Variants in PRDM16 observed in about 807,000 individuals in gnomAD.
PRDM16 encodes the protein PR/SET domain 16.
PRDM16 carries 23 observed loss-of-function variants against 110.6 expected under a neutral mutation model. The observed-to-expected ratio is 0.21, with a 90% CI of 0.15 to 0.29. The LOEUF is 0.29. Ranked by LOEUF, PRDM16 falls within the 10% of genes least tolerant of loss-of-function variation. The probability of loss-of-function intolerance (pLI) is 1.00; values close to 1 mark genes in which losing one functional copy is unlikely to be tolerated. For synonymous variants in PRDM16, 799 were observed against 781.8 expected (o/e 1.02, Z -0.37); for missense variants, 1,615 against 1,794.3 (o/e 0.90, Z 1.81).
Position 3,244,921 on chromosome 1 carries a change from C to T in PRDM16, c.438+784C>T, listed in dbSNP as rs764807963. 3.8e-4 allele frequency among the ~76,000 whole-genome samples: 58 copies of T among 152,200 alleles called. No homozygotes were observed. The highest frequency in any genetic ancestry group is 1.0e-4 in the Non-Finnish European group (7 of 68,046). ...CGTCCACAGACACAGCACGCTCACA[C>T]GTGGTGGCTGATCTCCTATTTTTTG... On this transcript the variant is annotated intron_variant, in intron 3 of 16. Transcript: ENST00000270722. The surrounding 1 kb of genome is among the most constrained non-coding windows in gnomAD (Gnocchi z 4.1).
chr1:3,417,431 A>G (rs1380928503), intron 10 of PRDM16, among the ~76,000 whole-genome samples: 1 of 152,202 alleles, frequency 6.6e-6, no homozygotes, highest in Non-Finnish European at 1.5e-5. Flanking sequence ...AACCCAAACT[A>G]GCCAACCAGA....
In PRDM16 at chr1:3,412,731, C is replaced by G; in HGVS notation, c.2534C>G (p.Ala845Gly). 6.6e-7 allele frequency: 1 copy of G among 1,506,528 alleles called. No homozygotes were observed. Among genetic ancestry groups the G allele is most frequent in the Non-Finnish European group, 8.9e-7 (1 of 1,127,576 alleles). The allele number at this position is 1,506,528 out of a possible 1,614,324, so 93.3% of individuals were successfully genotyped here. Residue 845 changes from alanine (A) to glycine (G), a missense_variant, in exon 9 of 17, where the codon GCG (alanine) becomes GGG (glycine). Coordinates refer to ENST00000270722, the MANE Select transcript of PRDM16 (RefSeq NM_022114.4). ...AGEGLPQVCP[A>G]RMPQQPPLHY... The stretch of plus-strand genomic sequence containing the variant: ...GAGGGGCTGCCCCAGGTGTGCCCGG[C>G]GCGGATGCCCCAGCAGCCCCCGCTC...
chr1:3,098,730 G>A (rs1642464922), intron 1 of PRDM16, among the ~76,000 whole-genome samples: 1 of 152,228 alleles, frequency 6.6e-6, no homozygotes, highest in Admixed American at 6.5e-5. Context: ...GAACAAGGGG[G>A]TTTTCAGTCT....
At chr1:3,298,363 C>T (rs911164165) in intron 3 of PRDM16, among the ~76,000 whole-genome samples, 9 of 152,228 alleles carry the variant, frequency 5.9e-5, no homozygotes, top group African/African-American at 2.2e-4. Context: ...GCTCGAGCAG[C>T]CTCGCTGTCG....
chr1:3,337,198 TGTGA>T (rs1001753033), intron 3 of PRDM16, among the ~76,000 whole-genome samples: 2 of 151,830 alleles, frequency 1.3e-5, no homozygotes, highest in African/African-American at 4.8e-5. Context: ...TGTGTGTTGG[TGTGA>T]GTCTCTGTGT....
Position 3,139,119 on chromosome 1 carries a change from C to T in PRDM16, c.38-47006C>T, listed in dbSNP as rs181711542. Among the ~76,000 whole-genome samples, 242 of 152,224 alleles carry T rather than the reference C, an allele frequency of 1.6e-3. 1 individual carries two copies. Among genetic ancestry groups the T allele is most frequent in the Middle Eastern group, 0.01 (3 of 294 alleles). ...ACTTACGCTTGTTGATCAATCTAAACGCAGACACACGTGGACGAGTTTTCA... is the reference window on the plus strand; with the variant it reads ...ACTTACGCTTGTTGATCAATCTAAATGCAGACACACGTGGACGAGTTTTCA... On this transcript the variant is annotated intron_variant, in intron 1 of 16. Coordinates refer to ENST00000270722, the MANE Select transcript of PRDM16 (RefSeq NM_022114.4).
Position 3,265,559 on chromosome 1 carries a change from A to T in PRDM16, c.438+21422A>T, listed in dbSNP as rs1374785204. 1.3e-5 allele frequency among the ~76,000 whole-genome samples: 2 copies of T among 152,052 alleles called. No individual in the cohort carries two copies. Among genetic ancestry groups the T allele is most frequent in the Non-Finnish European group, 2.9e-5 (2 of 67,978 alleles). On this transcript the variant is annotated intron_variant, in intron 3 of 16. Transcript: ENST00000270722. The surrounding 1 kb of genome is among the most constrained non-coding windows in gnomAD (Gnocchi z 4.5). Reference sequence around the variant, plus strand: ...GACTCAAGGGACCCATCCGAGGTTCATGGGAAGAGGAGAAGGGGTCGTCCT... The same window carrying T: ...GACTCAAGGGACCCATCCGAGGTTCTTGGGAAGAGGAGAAGGGGTCGTCCT...
chr1:3,242,888 C>T (rs751348829), intron 2 of PRDM16, among the ~76,000 whole-genome samples: 16 of 152,188 alleles, frequency 1.1e-4, no homozygotes, highest in South Asian at 2.1e-4. Context: ...TTGCGGTTTC[C>T]GTATACTCGA....
chr1:3,133,130 C>A (rs1420228867), intron 1 of PRDM16: 1 of 152,266 alleles, frequency 6.6e-6, no homozygotes, highest in Admixed American at 6.5e-5. Context: ...AGGACAAAGC[C>A]CGAAGGACGG....
At chr1:3,109,423 G>T (rs184169238) in intron 1 of PRDM16, among the ~76,000 whole-genome samples, 1,527 of 152,228 alleles carry the variant, frequency 0.01, 17 homozygotes, top group African/African-American at 0.034. Context: ...TGCAGGCTGA[G>T]GCTCTCTCTC....
chr1:3,342,737 G>T (rs1010459807), intron 3 of PRDM16, among the ~76,000 whole-genome samples: 1 of 152,172 alleles, frequency 6.6e-6, no homozygotes, highest in Non-Finnish European at 1.5e-5. Flanking sequence ...AGACATCCAC[G>T]CATAAGGCAC....
chr1:3,191,102 C>G (rs1381845194), intron 2 of PRDM16, among the ~76,000 whole-genome samples: 1 of 152,188 alleles, frequency 6.6e-6, no homozygotes, highest in Admixed American at 6.5e-5. Flanking sequence ...GAAAGGCTCT[C>G]GAAGGCATCA....
intron 3 of PRDM16, among the ~76,000 whole-genome samples, chr1:3,319,031 G>A (rs1263745330): frequency 3.3e-5 from 5 of 152,206 alleles, no homozygotes; most frequent in African/African-American, 1.2e-4. Context: ...CCAGCCCAGT[G>A]AGTCCTGCTC....
At chr1:3,203,473 G>T (rs1241102455) in intron 2 of PRDM16, among the ~76,000 whole-genome samples, 1 of 152,238 alleles carries the variant, frequency 6.6e-6, no homozygotes, top group Non-Finnish European at 1.5e-5. Context: ...GCCATGTGCT[G>T]CATGGCCTGC....
intron 3 of PRDM16, among the ~76,000 whole-genome samples, chr1:3,367,910 A>T (rs1642843879): frequency 6.6e-6 from 1 of 152,264 alleles, no homozygotes; most frequent in African/African-American, 2.4e-5. Flanking sequence ...TACTTTAAAA[A>T]ATCATTTAAA....
chr1:3,242,279 G>A (rs1211805323), intron 2 of PRDM16, among the ~76,000 whole-genome samples: 1 of 152,236 alleles, frequency 6.6e-6, no homozygotes, highest in Non-Finnish European at 1.5e-5. Flanking sequence ...ACTCCTCGAC[G>A]TGCCTCACGA....
At position 3,201,318 on chromosome 1, in the gene PRDM16, G is replaced by A. The variant is rs950701692; in HGVS notation, c.387+14844G>A. Among the ~76,000 whole-genome samples, 1 of 152,144 alleles carries A rather than the reference G, an allele frequency of 6.6e-6. No homozygotes were observed. Among genetic ancestry groups the A allele is most frequent in the Non-Finnish European group, 1.5e-5 (1 of 68,034 alleles). ...GATTTAAAATTACTTCAATTGCACTGACTTGAAGCTCGCACAGAGATGAAC... is the reference window on the plus strand; with the variant it reads ...GATTTAAAATTACTTCAATTGCACTAACTTGAAGCTCGCACAGAGATGAAC... On this transcript the variant is annotated intron_variant, in intron 2 of 16. Transcript: ENST00000270722. This position sits in a 1 kb window ranked among gnomAD's most constrained non-coding sequence, Gnocchi z 4.1.
chr1:3,079,296 T>C (rs1012346405), intron 1 of PRDM16, among the ~76,000 whole-genome samples: 3 of 152,118 alleles, frequency 2.0e-5, no homozygotes, highest in African/African-American at 7.2e-5. Flanking sequence ...TCAGAGGGGC[T>C]ACTGTCATCC....
At position 3,186,146 on chromosome 1, in the gene PRDM16, A is replaced by G; in HGVS notation, c.59A>G (p.Asn20Ser). The G allele has an allele frequency of 6.2e-7, 1 of 1,612,704 alleles. No homozygotes were observed. The highest frequency in any genetic ancestry group is 8.5e-7 in the Non-Finnish European group (1 of 1,179,894). Residue 20 changes from asparagine to serine, a missense_variant, in exon 2 of 17, where the codon AAT (asparagine) becomes AGT (serine). Coordinates refer to ENST00000270722, the MANE Select transcript of PRDM16 (RefSeq NM_022114.4). ...LAKSDGDVVN[N>S]MYEPNRDLLA... ...TTAGGTGACGGTGACGTTGTAAATA[A>G]TATGTATGAGCCCAACCGGGACCTG...
Sources: allele counts gnomAD v4.1 joint callset (sites outside exome capture counted in the v4.1 genomes callset), GRCh38; gene constraint gnomAD v4.1.1; non-coding constraint Gnocchi (gnomAD v3.1); transcripts MANE v1.5; gene names NCBI Gene and HGNC (gene_info 2026-07-23, HGNC 2026-07-21).